Variants in ANKFN1 observed in about 807,000 individuals in gnomAD.
ANKFN1 encodes the protein ankyrin repeat and fibronectin type III domain containing 1.
ANKFN1 carries 74 observed loss-of-function variants against 108.7 expected under a neutral mutation model. The observed-to-expected ratio is 0.68, with a 90% CI of 0.56 to 0.83. The LOEUF is 0.83. Ranked by LOEUF, ANKFN1 falls within the 40% of genes least tolerant of loss-of-function variation. ANKFN1 has a pLI of 0.00. For missense variants in ANKFN1, 1,505 were observed against 1,382.3 expected (o/e 1.09, Z -1.41); for synonymous variants, 547 against 516.2 (o/e 1.06, Z -0.81).
intron 8 of ANKFN1, among the ~76,000 whole-genome samples, chr17:56,425,251 A>C (rs1239135361): frequency 1.3e-5 from 2 of 152,182 alleles, no homozygotes; most frequent in Non-Finnish European, 2.9e-5. Flanking sequence ...AATGAATAGG[A>C]AAAGGTGGTT....
At chr17:56,270,012 A>T (rs1005237201) in intron 3 of ANKFN1, among the ~76,000 whole-genome samples, 1 of 152,204 alleles carries the variant, frequency 6.6e-6, no homozygotes, top group African/African-American at 2.4e-5. Context: ...CTGGTGTCCA[A>T]AATCTTTTGG....
At chr17:56,395,866 T>G (rs997029126) in intron 8 of ANKFN1, among the ~76,000 whole-genome samples, 59 of 151,858 alleles carry the variant, frequency 3.9e-4, no homozygotes, top group Non-Finnish European at 8.2e-4. Flanking sequence ...AAAACAAAGG[T>G]GGGGGGAAGC....
chr17:56,498,846 T>C, intron 19 of ANKFN1, 36 bp from the exon 20 acceptor site: 1 of 1,499,622 alleles, frequency 6.7e-7, no homozygotes, highest in Non-Finnish European at 9.0e-7. Flanking sequence ...AATCACTGCT[T>C]GATAACTTAG....
Position 56,105,747 on chromosome 17 carries a change from CAGGGAGAG to C in ANKFN1, c.288+59433_288+59440del, listed in dbSNP as rs376465631. ...TGTGTGTGTGTGTGTGTGTATGAGA[CAGGGAGAG>C]AGGGAGAGAGAGAGTTACATCACAG... On this transcript the variant is annotated intron_variant, in intron 4 of 12. Coordinates refer to the ANKFN1 transcript ENST00000635860. 8.5e-5 allele frequency among the ~76,000 whole-genome samples: 9 copies of C among 106,204 alleles called. No individual in the cohort carries two copies. The South Asian group carries it at 1.5e-3, about 18-fold the overall frequency. 69.7% of individuals were successfully genotyped at this position (106,204 alleles called of 152,430 possible).
intron 3 of ANKFN1, among the ~76,000 whole-genome samples, chr17:56,286,695 G>A (rs577892704): frequency 6.6e-6 from 1 of 152,154 alleles, no homozygotes; most frequent in South Asian, 2.1e-4. Context: ...CACATAGCAT[G>A]ACTTCCACCA....
chr17:56,144,163 A>C (rs886388070), intron 4 of ANKFN1, among the ~76,000 whole-genome samples: 4 of 111,490 alleles, frequency 3.6e-5, no homozygotes, highest in Non-Finnish European at 6.0e-5. Flanking sequence ...TCTGAAAAAA[A>C]AAAAAAAAAA....
chr17:56,290,343 TGA>T (rs2044327559), intron 3 of ANKFN1, among the ~76,000 whole-genome samples: 2 of 152,182 alleles, frequency 1.3e-5, no homozygotes, highest in African/African-American at 4.8e-5. Flanking sequence ...TGCTTTTCTG[TGA>T]CTCATTTTCT....
chr17:56,350,624 A>T, intron 4 of ANKFN1, 142 bp from the exon 5 acceptor site: 2 of 746,588 alleles, frequency 2.7e-6, no homozygotes, highest in South Asian at 3.9e-5. Context: ...ACATAAAAAA[A>T]GCTGGGTCTG....
At chr17:56,343,975 T>C (rs2046029888) in intron 4 of ANKFN1, among the ~76,000 whole-genome samples, 1 of 152,008 alleles carries the variant, frequency 6.6e-6, no homozygotes, top group Non-Finnish European at 1.5e-5. Context: ...ATTCTCAGAA[T>C]TTTCTTTATT....
chr17:56,189,997 C>A (rs199706390), intron 1 of ANKFN1, among the ~76,000 whole-genome samples: 114 of 143,254 alleles, frequency 8.0e-4, no homozygotes, highest in Admixed American at 8.3e-4. Context: ...CATCCATGTG[C>A]AAAAAAAAAA....
chr17:56,499,300 G>A (rs2051294836), intron 20 of ANKFN1, among the ~76,000 whole-genome samples: 3 of 152,134 alleles, frequency 2.0e-5, no homozygotes, highest in Admixed American at 2.0e-4. Context: ...TAAGATCAAT[G>A]CCATTTAGGG....
At chr17:56,149,800 A>G (rs1430265202), upstream of ANKFN1, among the ~76,000 whole-genome samples, 1 of 152,234 alleles carries the variant, frequency 6.6e-6, no homozygotes, top group African/African-American at 2.4e-5. Flanking sequence ...CCTGTTCTCC[A>G]TGACGACATC....
intron 1 of ANKFN1, among the ~76,000 whole-genome samples, chr17:56,177,339 A>G (rs562741141): frequency 1.3e-5 from 2 of 152,294 alleles, no homozygotes; most frequent in East Asian, 3.9e-4. Flanking sequence ...AACAACACAG[A>G]TGGAATTTTG....
At chr17:56,067,073 T>A (rs557293700) in intron 4 of ANKFN1, among the ~76,000 whole-genome samples, 1 of 152,132 alleles carries the variant, frequency 6.6e-6, no homozygotes, top group African/African-American at 2.4e-5. Flanking sequence ...CCTGTAGTCC[T>A]GGCCACTCAG....
At chr17:56,185,496 A>G (rs543036087) in intron 1 of ANKFN1, among the ~76,000 whole-genome samples, 1 of 152,316 alleles carries the variant, frequency 6.6e-6, no homozygotes, top group South Asian at 2.1e-4. Context: ...AGAATGGGTC[A>G]GAGCAGGGCT....
At chr17:56,112,686 G>T (rs964308658) in intron 4 of ANKFN1, among the ~76,000 whole-genome samples, 1 of 152,112 alleles carries the variant, frequency 6.6e-6, no homozygotes, top group Non-Finnish European at 1.5e-5. Context: ...ATATATTTTG[G>T]TCTGCAACAA....
At chr17:56,141,420 A>C (rs1224499929) in intron 4 of ANKFN1, among the ~76,000 whole-genome samples, 1 of 151,912 alleles carries the variant, frequency 6.6e-6, no homozygotes, top group Non-Finnish European at 1.5e-5. Flanking sequence ...CTGACATTTG[A>C]CTCTAAAATG....
chr17:56,489,786 T>C (rs1292893470), intron 18 of ANKFN1, among the ~76,000 whole-genome samples: 3 of 152,180 alleles, frequency 2.0e-5, no homozygotes, highest in Non-Finnish European at 2.9e-5. Context: ...CTCTTGTCAC[T>C]TTCCAGCCAA....
At chr17:56,272,742 A>G (rs1481078802) in intron 3 of ANKFN1, among the ~76,000 whole-genome samples, 1 of 152,192 alleles carries the variant, frequency 6.6e-6, no homozygotes, top group African/African-American at 2.4e-5. Flanking sequence ...AGGAACTACC[A>G]TAATATTTTT....
Sources: allele counts gnomAD v4.1 joint callset (sites outside exome capture counted in the v4.1 genomes callset), GRCh38; gene constraint gnomAD v4.1.1; transcripts MANE v1.5; gene names NCBI Gene and HGNC (gene_info 2026-07-23, HGNC 2026-07-21).